The following SOX9 variants were observed in gnomAD, a reference collection of about 807,000 sequenced individuals.
SOX9 encodes SRY-box transcription factor 9.
Under a neutral mutation model 44.8 loss-of-function variants are expected in SOX9, and 2 were observed. The observed-to-expected ratio is 0.04, with a 90% CI of 0.02 to 0.14. The LOEUF is 0.14. Among genes scored for constraint, SOX9 ranks in the 10% least tolerant of loss-of-function variants. SOX9 has a pLI of 1.00. For missense variants in SOX9, 583 were observed against 728.6 expected (o/e 0.80, Z 2.30); for synonymous variants, 381 against 331.8 (o/e 1.15, Z -1.61).
rs2143247822 is a variant in SOX9, at chr17:72,123,005, A to G, written c.685+33A>G. ...GCCCCTCGACCCCACCGGACAAGCT[A>G]TCTCCGTCCCGCCTGGCACACCCCC... On this transcript the variant is annotated intron_variant, in intron 2 of 2. Transcript: ENST00000245479. The surrounding 1 kb of genome is among the most constrained non-coding windows in gnomAD (Gnocchi z 6.5). 4 of 1,607,564 alleles carry G rather than the reference A, an allele frequency of 2.5e-6. No individual in the cohort carries two copies. The highest frequency in any genetic ancestry group is 3.3e-4 in the Middle Eastern group (2 of 6,062).
Position 72,121,971 on chromosome 17 carries a change from G to A in SOX9, c.431+149G>A. The A allele has an allele frequency of 1.0e-6, 1 of 1,004,330 alleles. No homozygotes were observed. The highest frequency in any genetic ancestry group is 1.4e-6 in the Non-Finnish European group (1 of 706,514). 62.2% of individuals were successfully genotyped at this position (1,004,330 alleles called of 1,614,324 possible). A position where few individuals can be genotyped will look rare whatever the true frequency, so the allele number is the denominator to read the frequency against. Reference sequence around the variant, plus strand: ...ATGGGGTTGGGAGTGGGAATGGGGTGTAACTGTGGCTCAGAGTTTGACAAA... The same window carrying A: ...ATGGGGTTGGGAGTGGGAATGGGGTATAACTGTGGCTCAGAGTTTGACAAA... On this transcript the variant is annotated intron_variant, in intron 1 of 2. Coordinates refer to ENST00000245479, the MANE Select transcript of SOX9 (RefSeq NM_000346.4). The surrounding 1 kb of genome is among the most constrained non-coding windows in gnomAD (Gnocchi z 8.3).
In SOX9 at chr17:72,123,403, C is replaced by A; in HGVS notation, c.686-140C>A. On this transcript the variant is annotated intron_variant, in intron 2 of 2. Coordinates refer to ENST00000245479, the MANE Select transcript of SOX9 (RefSeq NM_000346.4). This position sits in a 1 kb window ranked among gnomAD's most constrained non-coding sequence, Gnocchi z 6.5. ...GGTTAATCATTGGGCGACTTATCTCCGGTGCAGCGCGCCTCTTGCGCGGGT... is the reference window on the plus strand; with the variant it reads ...GGTTAATCATTGGGCGACTTATCTCAGGTGCAGCGCGCCTCTTGCGCGGGT... 1 of 1,166,774 alleles carries A rather than the reference C, an allele frequency of 8.6e-7. No individual in the cohort carries two copies. Among genetic ancestry groups the A allele is most frequent in the African/African-American group, 1.5e-5 (1 of 66,228 alleles). 72.3% of individuals were successfully genotyped at this position (1,166,774 alleles called of 1,614,324 possible). A position where few individuals can be genotyped will look rare whatever the true frequency, so the allele number is the denominator to read the frequency against.
chr17:72,121,457 C>G lies in SOX9; in HGVS notation c.66C>G (p.Pro22=), dbSNP rs2143236710. 6.2e-7 allele frequency: 1 copy of G among 1,612,936 alleles called. No individual in the cohort carries two copies. Among genetic ancestry groups the G allele is most frequent in the Non-Finnish European group, 8.5e-7 (1 of 1,179,840 alleles). Residue 22 remains proline (P), a synonymous_variant, in exon 1 of 3, where the codon CCC becomes CCG. Coordinates refer to ENST00000245479, the MANE Select transcript of SOX9 (RefSeq NM_000346.4). The surrounding 1 kb of genome is among the most constrained non-coding windows in gnomAD (Gnocchi z 8.3). ...DEQEKGLSGA[P]SPTMSEDSAG... ...AGGAGAAGGGCCTGTCCGGCGCCCC[C>G]AGCCCCACCATGTCCGAGGACTCCG...
rs1428820840 is a variant in SOX9, at chr17:72,123,902, C to A, written c.1045C>A (p.Pro349Thr). ...QQAPPPPPQQ[P>T]PQAPPAPQAP... ...GGCGCCGCCGCCACCCCCGCAGCAG[C>A]CCCCACAGGCCCCGCCGGCCCCGCA... The change falls in exon 3 of 3, where the codon CCC (proline) becomes ACC (threonine). Residue 349 changes from proline (P) to threonine (T), a missense_variant. Pro to Thr is a conservative substitution (Grantham distance 38, BLOSUM62 -1). Coordinates refer to ENST00000245479, the MANE Select transcript of SOX9 (RefSeq NM_000346.4). This position sits in a 1 kb window ranked among gnomAD's most constrained non-coding sequence, Gnocchi z 6.5. The A allele has an allele frequency of 7.4e-7, 1 of 1,347,364 alleles. No homozygotes were observed. Among genetic ancestry groups the A allele is most frequent in the Non-Finnish European group, 9.5e-7 (1 of 1,056,124 alleles). 83.5% of individuals were successfully genotyped at this position (1,347,364 alleles called of 1,614,324 possible).
Position 72,123,870 on chromosome 17 carries a change from A to G in SOX9, c.1013A>G (p.Lys338Arg), listed in dbSNP as rs1264553569. The G allele has an allele frequency of 6.5e-7, 1 of 1,544,592 alleles. No individual in the cohort carries two copies. Among genetic ancestry groups the G allele is most frequent in the Admixed American group, 1.9e-5 (1 of 52,140 alleles). Residue 338 changes from lysine (K) to arginine (R), a missense_variant, in exon 3 of 3, where the codon AAG (lysine) becomes AGG (arginine). By Grantham distance (26) the Lys-to-Arg change is conservative. Around this residue, in one of 7 missense-constraint regions of SOX9, gnomAD observed 349 missense variants for 387.0 expected, o/e 0.90. Coordinates refer to ENST00000245479, the MANE Select transcript of SOX9 (RefSeq NM_000346.4). The surrounding 1 kb of genome is among the most constrained non-coding windows in gnomAD (Gnocchi z 6.5). ...AGCGCGGGCCACGTGTGGATGTCCAAGCAGCAGGCGCCGCCGCCACCCCCG... is the reference window on the plus strand; with the variant it reads ...AGCGCGGGCCACGTGTGGATGTCCAGGCAGCAGGCGCCGCCGCCACCCCCG... ...PASAGHVWMS[K>R]QQAPPPPPQQ... is the part of the protein sequence containing the mutation.
Position 72,121,884 on chromosome 17 carries a change from G to C in SOX9, c.431+62G>C. 2 of 1,468,538 alleles carry C rather than the reference G, an allele frequency of 1.4e-6. No homozygotes were observed. The highest frequency in any genetic ancestry group is 1.8e-6 in the Non-Finnish European group (2 of 1,111,396). 91.0% of individuals were successfully genotyped at this position (1,468,538 alleles called of 1,614,324 possible). On this transcript the variant is annotated intron_variant, in intron 1 of 2. Coordinates refer to ENST00000245479, the MANE Select transcript of SOX9 (RefSeq NM_000346.4). This position sits in a 1 kb window ranked among gnomAD's most constrained non-coding sequence, Gnocchi z 8.3. ...TCGCGGCGGCTGGGGGCGCTGGTCAGGGCTGATTTGCCCCGCCCCGCCTCC... is the reference window on the plus strand; with the variant it reads ...TCGCGGCGGCTGGGGGCGCTGGTCACGGCTGATTTGCCCCGCCCCGCCTCC...
rs1201275989 is a variant in SOX9, at chr17:72,123,258, C to T, written c.686-285C>T. 6.6e-6 allele frequency among the ~76,000 whole-genome samples: 1 copy of T among 152,208 alleles called. No individual in the cohort carries two copies. Among genetic ancestry groups the T allele is most frequent in the Non-Finnish European group, 1.5e-5 (1 of 68,032 alleles). On this transcript the variant is annotated intron_variant, in intron 2 of 2. Coordinates refer to ENST00000245479, the MANE Select transcript of SOX9 (RefSeq NM_000346.4). The surrounding 1 kb of genome is among the most constrained non-coding windows in gnomAD (Gnocchi z 6.5). The stretch of plus-strand genomic sequence containing the variant: ...CCTTACAAGACCTCTCCCTTCTTCT[C>T]TGCTCCCCCACCCCAAAAGCACACA...
At position 72,123,076 on chromosome 17, in the gene SOX9, G is replaced by A; in HGVS notation, c.685+104G>A. On this transcript the variant is annotated intron_variant, in intron 2 of 2. Transcript: ENST00000245479. The surrounding 1 kb of genome is among the most constrained non-coding windows in gnomAD (Gnocchi z 6.5). Reference sequence around the variant, plus strand: ...CTTCGTGGGGACTTTATGCTTCCCGGGAGGGACACACTGCCCTTTGCGCCC... The same window carrying A: ...CTTCGTGGGGACTTTATGCTTCCCGAGAGGGACACACTGCCCTTTGCGCCC... 2 of 1,443,394 alleles carry A rather than the reference G, an allele frequency of 1.4e-6. No individual in the cohort carries two copies. The highest frequency in any genetic ancestry group is 9.5e-7 in the Non-Finnish European group (1 of 1,050,704). The allele number at this position is 1,443,394 out of a possible 1,614,324, so 89.4% of individuals were successfully genotyped here. A position where few individuals can be genotyped will look rare whatever the true frequency, so the allele number is the denominator to read the frequency against.
Position 72,122,866 on chromosome 17 carries a change from G to T in SOX9, c.579G>T (p.Thr193=). The change falls in exon 2 of 3, where the codon ACG becomes ACT. Residue 193 remains threonine, a synonymous_variant. Coordinates refer to ENST00000245479, the MANE Select transcript of SOX9 (RefSeq NM_000346.4). ...KNGQAEAEEA[T]EQTHISPNAI... is the part of the protein sequence containing the mutation. ...GGCAGGCGGAGGCAGAGGAGGCCAC[G>T]GAGCAGACGCACATCTCCCCCAACG... 1 of 1,614,160 alleles carries T rather than the reference G, an allele frequency of 6.2e-7. No individual in the cohort carries two copies. Among genetic ancestry groups the T allele is most frequent in the Non-Finnish European group, 8.5e-7 (1 of 1,180,030 alleles).
In SOX9 at chr17:72,121,278, G is replaced by A; in HGVS notation, c.-114G>A. 2.1e-6 allele frequency: 2 copies of A among 960,992 alleles called. No homozygotes were observed. Among genetic ancestry groups the A allele is most frequent in the Non-Finnish European group, 3.2e-6 (2 of 632,518 alleles). The allele number at this position is 960,992 out of a possible 1,614,324, so 59.5% of individuals were successfully genotyped here. A position where few individuals can be genotyped will look rare whatever the true frequency, so the allele number is the denominator to read the frequency against. On this transcript the variant is annotated 5_prime_UTR_variant, in exon 1 of 3. Transcript: ENST00000245479. The surrounding 1 kb of genome is among the most constrained non-coding windows in gnomAD (Gnocchi z 8.3). Reference sequence around the variant, plus strand: ...GGCCGACGCGCCAGCTTCCCCGGGAGCCGCTTGCTCCGCATCCGGGCAGCC... The same window carrying A: ...GGCCGACGCGCCAGCTTCCCCGGGAACCGCTTGCTCCGCATCCGGGCAGCC...
At position 72,123,073 on chromosome 17, in the gene SOX9, C is replaced by A. The variant is rs2143248316; in HGVS notation, c.685+101C>A. On this transcript the variant is annotated intron_variant, in intron 2 of 2. Transcript: ENST00000245479. The surrounding 1 kb of genome is among the most constrained non-coding windows in gnomAD (Gnocchi z 6.5). ...ATTCTTCGTGGGGACTTTATGCTTCCCGGGAGGGACACACTGCCCTTTGCG... is the reference window on the plus strand; with the variant it reads ...ATTCTTCGTGGGGACTTTATGCTTCACGGGAGGGACACACTGCCCTTTGCG... 1 of 1,462,686 alleles carries A rather than the reference C, an allele frequency of 6.8e-7. No individual in the cohort carries two copies. Among genetic ancestry groups the A allele is most frequent in the Non-Finnish European group, 9.4e-7 (1 of 1,067,286 alleles). The allele number at this position is 1,462,686 out of a possible 1,614,324, so 90.6% of individuals were successfully genotyped here.
At position 72,124,162 on chromosome 17, in the gene SOX9, C is replaced by T. The variant is rs2143256511; in HGVS notation, c.1305C>T (p.Ile435=). 1 of 1,613,942 alleles carries T rather than the reference C, an allele frequency of 6.2e-7. No homozygotes were observed. The highest frequency in any genetic ancestry group is 8.5e-7 in the Non-Finnish European group (1 of 1,180,040). The change falls in exon 3 of 3, where the codon ATC becomes ATT. Residue 435 remains isoleucine, a synonymous_variant. Transcript: ENST00000245479. This position sits in a 1 kb window ranked among gnomAD's most constrained non-coding sequence, Gnocchi z 4.6. Reference sequence around the variant, plus strand: ...ACTACAGCCCCTCCTACCCGCCCATCACCCGCTCACAGTACGACTACACCG... The same window carrying T: ...ACTACAGCCCCTCCTACCCGCCCATTACCCGCTCACAGTACGACTACACCG... ...LPHYSPSYPP[I]TRSQYDYTDH... is the part of the protein sequence containing the mutation.
intron 1 of SOX9, 59 bp from the exon 2 acceptor site, chr17:72,122,660 C>A (rs376102909): frequency 6.4e-7 from 1 of 1,563,942 alleles, no homozygotes; most frequent in Non-Finnish European, 8.7e-7. Context: ...GACAGTTTGG[C>A]GGATTTCACT....
In SOX9 at chr17:72,124,489, GTTTT is replaced by G; in HGVS notation, c.*106_*109del. On this transcript the variant is annotated 3_prime_UTR_variant, in exon 3 of 3. Coordinates refer to ENST00000245479, the MANE Select transcript of SOX9 (RefSeq NM_000346.4). The surrounding 1 kb of genome is among the most constrained non-coding windows in gnomAD (Gnocchi z 4.6). ...TCCCTTTGGACATTTGTGTTTTTTT[GTTTT>G]TTTATTTTGTTTTGTTTTTTCTTCT... 7.0e-7 allele frequency: 1 copy of G among 1,433,012 alleles called. No individual in the cohort carries two copies. Among genetic ancestry groups the G allele is most frequent in the Non-Finnish European group, 9.7e-7 (1 of 1,035,000 alleles). The allele number at this position is 1,433,012 out of a possible 1,614,324, so 88.8% of individuals were successfully genotyped here.
chr17:72,122,679 T>G (rs1286316809), intron 1 of SOX9, 40 bp from the exon 2 acceptor site: 2 of 1,601,632 alleles, frequency 1.2e-6, no homozygotes, highest in Non-Finnish European at 1.7e-6. Context: ...CTGACCCCTC[T>G]CCCTCTTTTT....
chr17:72,121,334 CG>C lies in SOX9; in HGVS notation c.-57del, dbSNP rs1908081280. 3 of 1,537,096 alleles carry C rather than the reference CG, an allele frequency of 2.0e-6. No homozygotes were observed. The highest frequency in any genetic ancestry group is 9.0e-7 in the Non-Finnish European group (1 of 1,115,942). Reference sequence around the variant, plus strand: ...GAGAGGAGCCCGCGCCTCGAGTCCCCGAGCCGCCGCGGCTTCTCGCCTTTCC... The same window carrying C: ...GAGAGGAGCCCGCGCCTCGAGTCCCCAGCCGCCGCGGCTTCTCGCCTTTCC... On this transcript the variant is annotated 5_prime_UTR_variant, in exon 1 of 3. Coordinates refer to ENST00000245479, the MANE Select transcript of SOX9 (RefSeq NM_000346.4). This position sits in a 1 kb window ranked among gnomAD's most constrained non-coding sequence, Gnocchi z 8.3.
chr17:72,124,785 T>G lies in SOX9; in HGVS notation c.*398T>G. Reference sequence around the variant, plus strand: ...TTTGTAATTATTTTTTTAGCAGTAATTAAAGAAAAAAGTCCTCTGTGAGGA... The same window carrying G: ...TTTGTAATTATTTTTTTAGCAGTAAGTAAAGAAAAAAGTCCTCTGTGAGGA... On this transcript the variant is annotated 3_prime_UTR_variant, in exon 3 of 3. Coordinates refer to ENST00000245479, the MANE Select transcript of SOX9 (RefSeq NM_000346.4). This position sits in a 1 kb window ranked among gnomAD's most constrained non-coding sequence, Gnocchi z 4.6. 2.7e-6 allele frequency: 1 copy of G among 376,842 alleles called. No individual in the cohort carries two copies. The highest frequency in any genetic ancestry group is 4.9e-6 in the Non-Finnish European group (1 of 204,024). 23.3% of individuals were successfully genotyped at this position (376,842 alleles called of 1,614,324 possible). A position where few individuals can be genotyped will look rare whatever the true frequency, so the allele number is the denominator to read the frequency against.
At position 72,122,979 on chromosome 17, in the gene SOX9, C is replaced by T. The variant is rs370951695; in HGVS notation, c.685+7C>T. Reference sequence around the variant, plus strand: ...TCCCCCGGCGAGCACTCGGGTGAGTCGCCCCTCGACCCCACCGGACAAGCT... The same window carrying T: ...TCCCCCGGCGAGCACTCGGGTGAGTTGCCCCTCGACCCCACCGGACAAGCT... On this transcript the variant is annotated splice_region_variant and intron_variant, in intron 2 of 2. Transcript: ENST00000245479. 1.3e-4 allele frequency: 203 copies of T among 1,611,958 alleles called. No homozygotes were observed. The highest frequency in any genetic ancestry group is 1.6e-4 in the Non-Finnish European group (194 of 1,179,876).
At position 72,121,934 on chromosome 17, in the gene SOX9, G is replaced by T. The variant is rs571012292; in HGVS notation, c.431+112G>T. The T allele has an allele frequency of 3.8e-5, 50 of 1,316,966 alleles. 1 individual carries two copies. The South Asian group carries it at 7.6e-4, about 20-fold the overall frequency. 81.6% of individuals were successfully genotyped at this position (1,316,966 alleles called of 1,614,324 possible). A position where few individuals can be genotyped will look rare whatever the true frequency, so the allele number is the denominator to read the frequency against. The stretch of plus-strand genomic sequence containing the variant: ...CCATCGCCCGGGAGTTGCCGTTCCG[G>T]GAGCCGGCGGGATGGGGTTGGGAGT... On this transcript the variant is annotated intron_variant, in intron 1 of 2. Transcript: ENST00000245479. The surrounding 1 kb of genome is among the most constrained non-coding windows in gnomAD (Gnocchi z 8.3).
Sources: allele counts gnomAD v4.1 joint callset (sites outside exome capture counted in the v4.1 genomes callset), GRCh38; gene constraint gnomAD v4.1.1; regional missense constraint gnomAD v4.1.1; non-coding constraint Gnocchi (gnomAD v3.1); transcripts MANE v1.5; gene names NCBI Gene and HGNC (gene_info 2026-07-23, HGNC 2026-07-21).